The following DGKB variants were observed in gnomAD, a reference collection of about 807,000 sequenced individuals.
DGKB encodes 90 kDa diacylglycerol kinase.
Under a neutral mutation model 114.3 loss-of-function variants are expected in DGKB, and 67 were observed. That is an observed-to-expected ratio of 0.59 (90% CI 0.48 to 0.72). DGKB has a LOEUF of 0.72. DGKB is among the 30% of genes least tolerant of loss of function. The probability of loss-of-function intolerance (pLI) is 0.00; values close to 1 mark genes in which losing one functional copy is unlikely to be tolerated. For synonymous variants in DGKB, 398 were observed against 323.1 expected (o/e 1.23, Z -2.49); for missense variants, 907 against 975.2 (o/e 0.93, Z 0.93).
chr7:14,800,206 G>A (rs1045625327), intron 2 of DGKB, among the ~76,000 whole-genome samples: 8 of 152,146 alleles, frequency 5.3e-5, no homozygotes, highest in Admixed American at 1.3e-4. Context: ...GTGAGCCACC[G>A]CGCTCGGTCT....
intron 20 of DGKB, among the ~76,000 whole-genome samples, chr7:14,517,110 A>C (rs1321768959): frequency 6.6e-6 from 1 of 152,102 alleles, no homozygotes. Flanking sequence ...AAACGAACAC[A>C]TATAGAAATG....
chr7:14,320,188 C>T (rs1430553792), intron 23 of DGKB, among the ~76,000 whole-genome samples: 9 of 152,170 alleles, frequency 5.9e-5, no homozygotes, highest in Admixed American at 5.9e-4. Flanking sequence ...GTGGGAACAA[C>T]AGACACTCAT....
chr7:14,706,204 CAA>C (rs1387210301), intron 6 of DGKB, among the ~76,000 whole-genome samples: 3 of 144,086 alleles, frequency 2.1e-5, no homozygotes, highest in African/African-American at 7.9e-5. Context: ...CAACAAAGAT[CAA>C]AAGAGACAAA....
chr7:14,525,957 T>G (rs1051947346), intron 20 of DGKB, among the ~76,000 whole-genome samples: 1 of 152,182 alleles, frequency 6.6e-6, no homozygotes, highest in Admixed American at 6.6e-5. Context: ...TATGACATTT[T>G]ACATATGCTG....
At chr7:14,680,940 A>G (rs1820718223) in intron 12 of DGKB, among the ~76,000 whole-genome samples, 1 of 152,024 alleles carries the variant, frequency 6.6e-6, no homozygotes, top group Admixed American at 6.6e-5. Flanking sequence ...ATTTATGAAG[A>G]ATAGGTAAAC....
chr7:14,704,947 C>G (rs1258130062), intron 6 of DGKB, among the ~76,000 whole-genome samples: 2 of 152,032 alleles, frequency 1.3e-5, no homozygotes, highest in African/African-American at 4.8e-5. Flanking sequence ...TCCTCACCAG[C>G]AACGGAACAA....
chr7:14,296,723 C>CA (rs1327855048), intron 23 of DGKB, among the ~76,000 whole-genome samples: 1 of 120,362 alleles, frequency 8.3e-6, no homozygotes, highest in Non-Finnish European at 1.7e-5. Context: ...GATAGAGACA[C>CA]AAAAAACCTT....
At chr7:14,805,961 G>T (rs151120935) in intron 2 of DGKB, among the ~76,000 whole-genome samples, 1 of 151,030 alleles carries the variant, frequency 6.6e-6, no homozygotes, top group African/African-American at 2.4e-5. Context: ...TTCTAACTTT[G>T]ATTCTTTTTC....
chr7:14,214,003 T>G (rs1355524717), intron 23 of DGKB, among the ~76,000 whole-genome samples: 2 of 152,158 alleles, frequency 1.3e-5, no homozygotes, highest in African/African-American at 4.8e-5. Flanking sequence ...TCTTTTTCTC[T>G]CTTGCCATTT....
intron 1 of DGKB, among the ~76,000 whole-genome samples, chr7:14,960,366 A>G (rs1298377039): frequency 2.0e-5 from 3 of 152,058 alleles, no homozygotes; most frequent in Non-Finnish European, 4.4e-5. Context: ...TTTCACCTAA[A>G]AAGTTTTTTT....
intron 3 of DGKB, among the ~76,000 whole-genome samples, chr7:14,755,616 A>G (rs1489398008): frequency 6.6e-6 from 1 of 152,140 alleles, no homozygotes; most frequent in Non-Finnish European, 1.5e-5. Flanking sequence ...TGACATTAGG[A>G]ATTCTGCCAT....
intron 20 of DGKB, among the ~76,000 whole-genome samples, chr7:14,569,197 C>T (rs1473970792): frequency 1.3e-5 from 2 of 152,104 alleles, no homozygotes; most frequent in East Asian, 1.9e-4. Flanking sequence ...TTTTGTGTCC[C>T]TGGGGCAGGA....
intron 1 of DGKB, among the ~76,000 whole-genome samples, chr7:14,863,357 C>G (rs1851260256): frequency 6.6e-6 from 1 of 150,888 alleles, no homozygotes; most frequent in Non-Finnish European, 1.5e-5. Context: ...AATTATTAGT[C>G]ATATTTTTAA....
chr7:14,720,588 C>T (rs527494269), intron 5 of DGKB, among the ~76,000 whole-genome samples: 1 of 151,818 alleles, frequency 6.6e-6, no homozygotes, highest in Non-Finnish European at 1.5e-5. Flanking sequence ...CATGATCCAT[C>T]CACGTCGGCC....
At chr7:14,727,265 G>A (rs1483175214) in intron 5 of DGKB, among the ~76,000 whole-genome samples, 2 of 152,012 alleles carry the variant, frequency 1.3e-5, no homozygotes, top group Non-Finnish European at 2.9e-5. Context: ...GAAGAAAAAA[G>A]AAACCTGATT....
At chr7:14,777,144 G>A (rs1411540466) in intron 2 of DGKB, among the ~76,000 whole-genome samples, 2 of 152,098 alleles carry the variant, frequency 1.3e-5, no homozygotes, top group Non-Finnish European at 2.9e-5. Context: ...TTTGGAAGAC[G>A]TGTTTTTACC....
At chr7:14,696,855 T>C (rs1007850474) in intron 8 of DGKB, among the ~76,000 whole-genome samples, 1 of 152,226 alleles carries the variant, frequency 6.6e-6, no homozygotes, top group African/African-American at 2.4e-5. Flanking sequence ...GGAAAAATCC[T>C]AATCCCAGTA....
intron 14 of DGKB, among the ~76,000 whole-genome samples, chr7:14,628,059 G>C (rs576677623): frequency 3.7e-4 from 56 of 152,128 alleles, no homozygotes; most frequent in Admixed American, 1.2e-3. Flanking sequence ...TAAACTGAAA[G>C]TAAGTACCAG....
At chr7:14,157,087 G>C (rs1234622969) in intron 25 of DGKB, among the ~76,000 whole-genome samples, 1 of 151,976 alleles carries the variant, frequency 6.6e-6, no homozygotes, top group Non-Finnish European at 1.5e-5. Context: ...TATTATCACT[G>C]AATTTATTCA....
Sources: gnomAD v4.1 joint callset for allele counts (sites outside exome capture counted in the v4.1 genomes callset) on GRCh38, gnomAD v4.1.1 for gene constraint, MANE v1.5 for transcripts, NCBI Gene and HGNC (gene_info 2026-07-23, HGNC 2026-07-21) for gene names.